RBM20: variants seen among roughly 807,000 people sequenced by gnomAD.
The protein encoded by RBM20 is RNA-binding protein 20.
RBM20 carries 51 observed loss-of-function variants against 110.1 expected under a neutral mutation model. The ratio of observed to expected loss-of-function variants is 0.46; its 90% CI spans 0.37 to 0.59. RBM20 has a LOEUF of 0.59. Among genes scored for constraint, RBM20 ranks in the 20% least tolerant of loss-of-function variants. The pLI is 0.00. For synonymous variants in RBM20, 589 were observed against 618.2 expected (o/e 0.95, Z 0.70); for missense variants, 1,512 against 1,574.9 (o/e 0.96, Z 0.68).
chr10:110,644,690 C>A lies in RBM20; in HGVS notation c.191+45C>A. 7.3e-7 allele frequency: 1 copy of A among 1,375,154 alleles called. No individual in the cohort carries two copies. The highest frequency in any genetic ancestry group is 9.6e-7 in the Non-Finnish European group (1 of 1,047,072). The allele number at this position is 1,375,154 out of a possible 1,614,324, so 85.2% of individuals were successfully genotyped here. On this transcript the variant is annotated intron_variant, in intron 1 of 13. Coordinates refer to ENST00000369519, the MANE Select transcript of RBM20 (RefSeq NM_001134363.3). The surrounding 1 kb of genome is among the most constrained non-coding windows in gnomAD (Gnocchi z 4.3). ...CAGGGACCACGGGTGCGCCTGGGGA[C>A]ACGCCCCGAGAGCCCCCTTTGTGGC...
chr10:110,799,880 A>C lies in RBM20; in HGVS notation c.1762A>C (p.Ile588Leu). The change falls in exon 7 of 14, where the codon ATT (isoleucine) becomes CTT (leucine). Residue 588 changes from isoleucine (I) to leucine (L), a missense_variant. Ile to Leu is a conservative substitution (Grantham distance 5). Transcript: ENST00000369519. Reference protein sequence around the residue: ...SAVINGEKLLIRMSKRYKELQ... With the variant: ...SAVINGEKLLLRMSKRYKELQ... ...TGTGATCAATGGTGAGAAGTTGCTC[A>C]TTCGGATGTCCAAGAGATACAAGGA... 1 of 1,552,170 alleles carries C rather than the reference A, an allele frequency of 6.4e-7. No individual in the cohort carries two copies. Among genetic ancestry groups the C allele is most frequent in the Non-Finnish European group, 8.7e-7 (1 of 1,147,064 alleles).
intron 1 of RBM20, among the ~76,000 whole-genome samples, chr10:110,768,075 C>T (rs908097237): frequency 4.6e-5 from 7 of 152,350 alleles, no homozygotes; most frequent in South Asian, 2.1e-4. Context: ...CAAAAAAATA[C>T]GAAAACCAGT....
intron 1 of RBM20, among the ~76,000 whole-genome samples, chr10:110,678,111 G>C (rs1009554953): frequency 2.0e-5 from 3 of 152,042 alleles, no homozygotes; most frequent in South Asian, 2.1e-4. Context: ...CATAAACTGG[G>C]ATAAATAATA....
chr10:110,736,601 C>T (rs1177798303), intron 1 of RBM20, among the ~76,000 whole-genome samples: 4 of 152,130 alleles, frequency 2.6e-5, no homozygotes, highest in Admixed American at 2.0e-4. Context: ...TGCAGGTGTC[C>T]GTGTGTGCTG....
At chr10:110,694,493 T>A (rs1012560359) in intron 1 of RBM20, among the ~76,000 whole-genome samples, 5 of 152,202 alleles carry the variant, frequency 3.3e-5, no homozygotes, top group African/African-American at 4.8e-5. Flanking sequence ...CTTGGAAACC[T>A]TCCAGAATTG....
intron 1 of RBM20, among the ~76,000 whole-genome samples, chr10:110,764,435 T>C (rs7904967): frequency 0.4 from 60,627 of 152,118 alleles, 12,248 homozygotes; most frequent in East Asian, 0.46. Flanking sequence ...CCTGTCTCCA[T>C]AGAGCTGGCT....
At chr10:110,662,874 T>G (rs1291934639) in intron 1 of RBM20, among the ~76,000 whole-genome samples, 1 of 152,208 alleles carries the variant, frequency 6.6e-6, no homozygotes, top group South Asian at 2.1e-4. Flanking sequence ...ATCTTCCTGT[T>G]CATCCCTACA....
At chr10:110,693,517 A>G (rs141910200) in intron 1 of RBM20, among the ~76,000 whole-genome samples, 1 of 152,258 alleles carries the variant, frequency 6.6e-6, no homozygotes, top group South Asian at 2.1e-4. Flanking sequence ...GCATTCGTCC[A>G]TTTCAAACGT....
chr10:110,818,742 G>A (rs945112507), intron 9 of RBM20, among the ~76,000 whole-genome samples: 2 of 152,254 alleles, frequency 1.3e-5, no homozygotes, highest in African/African-American at 4.8e-5. Flanking sequence ...CTGGGAGTGT[G>A]GCTGCAGGAA....
At position 110,691,496 on chromosome 10, in the gene RBM20, T is replaced by C. The variant is rs543067270; in HGVS notation, c.191+46851T>C. On this transcript the variant is annotated intron_variant, in intron 1 of 13. Coordinates refer to ENST00000369519, the MANE Select transcript of RBM20 (RefSeq NM_001134363.3). ...CTAGTAGGTGTGAAGTAGTATCTCA[T>C]TGTAGTTTTGATTTGCATTGCTCTA... 7.9e-5 allele frequency among the ~76,000 whole-genome samples: 12 copies of C among 152,320 alleles called. No individual in the cohort carries two copies. The South Asian group carries it at 1.2e-3, about 16-fold the overall frequency.
In RBM20 at chr10:110,729,641, G is replaced by T. The variant is rs368165913; in HGVS notation, c.192-51160G>T. Among the ~76,000 whole-genome samples, 554 of 152,272 alleles carry T rather than the reference G, an allele frequency of 3.6e-3. 3 individuals carry two copies. Among genetic ancestry groups the T allele is most frequent in the Middle Eastern group, 6.8e-3 (2 of 294 alleles). On this transcript the variant is annotated intron_variant, in intron 1 of 13. Transcript: ENST00000369519. ...AGGTGTGATCAGTTAGAGGCTCCAGGGGTGATTCCCAGCCGTCCGTCATCA... is the reference window on the plus strand; with the variant it reads ...AGGTGTGATCAGTTAGAGGCTCCAGTGGTGATTCCCAGCCGTCCGTCATCA...
chr10:110,709,720 C>T (rs958955660), intron 1 of RBM20, among the ~76,000 whole-genome samples: 1 of 151,846 alleles, frequency 6.6e-6, no homozygotes, highest in African/African-American at 2.4e-5. Flanking sequence ...GCGTGTGCCA[C>T]CATGCCTGGC....
At position 110,644,447 on chromosome 10, in the gene RBM20, C is replaced by T. The variant is rs1353505181; in HGVS notation, c.-8C>T. The T allele has an allele frequency of 8.4e-5, 124 of 1,480,582 alleles. No homozygotes were observed. Among genetic ancestry groups the T allele is most frequent in the Non-Finnish European group, 1.1e-4 (123 of 1,120,696 alleles). 91.7% of individuals were successfully genotyped at this position (1,480,582 alleles called of 1,614,324 possible). A position where few individuals can be genotyped will look rare whatever the true frequency, so the allele number is the denominator to read the frequency against. On this transcript the variant is annotated 5_prime_UTR_variant, in exon 1 of 14. Transcript: ENST00000369519. This position sits in a 1 kb window ranked among gnomAD's most constrained non-coding sequence, Gnocchi z 4.3. ...TCTCGCCGCGATCCCGGGCGGGTCT[C>T]GCCCCGCATGGTGCTGGCAGCAGCC...
At chr10:110,806,955 C>T (rs1056287193) in intron 7 of RBM20, among the ~76,000 whole-genome samples, 3 of 152,204 alleles carry the variant, frequency 2.0e-5, no homozygotes, top group Non-Finnish European at 4.4e-5. Flanking sequence ...TCTTTGGCTA[C>T]TTCTGTCCCC....
chr10:110,717,253 A>G (rs1243700556), intron 1 of RBM20, among the ~76,000 whole-genome samples: 1 of 152,192 alleles, frequency 6.6e-6, no homozygotes, highest in Admixed American at 6.5e-5. Flanking sequence ...GACAGCCTTC[A>G]TATTTAATTC....
chr10:110,793,186 A>G (rs1205929247), intron 5 of RBM20, among the ~76,000 whole-genome samples: 5 of 152,200 alleles, frequency 3.3e-5, no homozygotes, highest in Admixed American at 3.3e-4. Flanking sequence ...GCACCTAATC[A>G]GCGGCTGAGC....
intron 1 of RBM20, among the ~76,000 whole-genome samples, chr10:110,765,829 A>G (rs2027416): frequency 0.45 from 68,863 of 151,912 alleles, 15,800 homozygotes; most frequent in East Asian, 0.52. Context: ...TGCCTTATAT[A>G]CATTGGAATC....
intron 1 of RBM20, among the ~76,000 whole-genome samples, chr10:110,690,046 T>G (rs1450573493): frequency 2.6e-5 from 4 of 152,238 alleles, no homozygotes; most frequent in African/African-American, 9.6e-5. Flanking sequence ...AAATGAGTGA[T>G]TTAAAATAAA....
chr10:110,677,657 G>C (rs910791523), intron 1 of RBM20, among the ~76,000 whole-genome samples: 1 of 152,196 alleles, frequency 6.6e-6, no homozygotes, highest in African/African-American at 2.4e-5. Flanking sequence ...TCAAACCATA[G>C]CACAGAACTA....
Sources: allele counts gnomAD v4.1 joint callset (sites outside exome capture counted in the v4.1 genomes callset), GRCh38; gene constraint gnomAD v4.1.1; non-coding constraint Gnocchi (gnomAD v3.1); transcripts MANE v1.5; gene names NCBI Gene and HGNC (gene_info 2026-07-23, HGNC 2026-07-21).